CCDC170: variants seen among roughly 807,000 people sequenced by gnomAD.
CCDC170 encodes the protein coiled-coil domain-containing protein 170.
A neutral mutation model predicts 72.6 loss-of-function variants in CCDC170; 69 were observed. The ratio of observed to expected loss-of-function variants is 0.95; its 90% CI spans 0.78 to 1.16. The LOEUF (loss-of-function observed/expected upper bound fraction) is 1.16. Among genes scored for constraint, CCDC170 ranks in the 50% most tolerant of loss-of-function variants. The pLI is 0.00. For missense variants in CCDC170, 852 were observed against 832.5 expected, an observed-to-expected ratio of 1.02 and a Z score of -0.29; for synonymous variants, 300 against 303.9, an observed-to-expected ratio of 0.99 and a Z score of 0.13.
chr6:151,612,290 C>A (rs79994731), intron 9 of CCDC170, among the ~76,000 whole-genome samples: 1 of 152,104 alleles, frequency 6.6e-6, no homozygotes, highest in African/African-American at 2.4e-5. Flanking sequence ...TATGCCCAAC[C>A]GTAGGGAGAG....
chr6:151,514,875 A>T (rs1359146541), intron 1 of CCDC170, among the ~76,000 whole-genome samples: 1 of 152,146 alleles, frequency 6.6e-6, no homozygotes. Flanking sequence ...ATTCATTTCC[A>T]TCCTAATATT....
chr6:151,561,441 G>A (rs1224858371), intron 5 of CCDC170, among the ~76,000 whole-genome samples: 3 of 151,972 alleles, frequency 2.0e-5, no homozygotes, highest in Non-Finnish European at 4.4e-5. Flanking sequence ...CTGTTTGCTT[G>A]TCTGGGAAAG....
chr6:151,601,589 C>T (rs193024898), intron 9 of CCDC170, among the ~76,000 whole-genome samples: 74 of 152,046 alleles, frequency 4.9e-4, no homozygotes, highest in African/African-American at 1.6e-3. Flanking sequence ...ATATCTACAT[C>T]GGTCTATCAA....
At chr6:151,569,881 G>T (rs1366301869) in intron 5 of CCDC170, among the ~76,000 whole-genome samples, 1 of 152,130 alleles carries the variant, frequency 6.6e-6, no homozygotes, top group Non-Finnish European at 1.5e-5. Flanking sequence ...ACAGCTTAGG[G>T]TTCACTGAGC....
At chr6:151,543,674 C>T (rs757939933) in intron 3 of CCDC170, among the ~76,000 whole-genome samples, 53 of 152,252 alleles carry the variant, frequency 3.5e-4, no homozygotes, top group Admixed American at 7.2e-4. Flanking sequence ...TCTGCTTCTA[C>T]GAGTTCAATT....
chr6:151,598,109 A>G (rs1562295610), intron 9 of CCDC170, among the ~76,000 whole-genome samples: 1 of 152,172 alleles, frequency 6.6e-6, no homozygotes, highest in Non-Finnish European at 1.5e-5. Context: ...CCCCCAGAGA[A>G]GGACACATCT....
chr6:151,597,675 A>G (rs1473391129), intron 9 of CCDC170, among the ~76,000 whole-genome samples: 2 of 152,228 alleles, frequency 1.3e-5, no homozygotes. Flanking sequence ...CCTATATTCA[A>G]GGTGTTCAAC....
intron 5 of CCDC170, among the ~76,000 whole-genome samples, chr6:151,558,566 T>A (rs927050822): frequency 6.6e-6 from 1 of 152,244 alleles, no homozygotes; most frequent in Non-Finnish European, 1.5e-5. Flanking sequence ...TTGATTTTTG[T>A]GTATGATGAG....
At position 151,552,212 on chromosome 6, in the gene CCDC170, A is replaced by G. The variant is rs546906958; in HGVS notation, c.774+3723A>G. ...AAGGCTTTTGGCAAGAATATTATGT[A>G]TTATATTTCACATTGCATTCTATTA... On this transcript the variant is annotated intron_variant, in intron 5 of 10. Transcript: ENST00000239374. Among the ~76,000 whole-genome samples the G allele has an allele frequency of 8.5e-5, 13 of 152,190 alleles. No homozygotes were observed. The South Asian group carries it at 2.5e-3, about 29-fold the overall frequency.
At chr6:151,532,416 G>A (rs1243705149) in intron 1 of CCDC170, among the ~76,000 whole-genome samples, 1 of 152,070 alleles carries the variant, frequency 6.6e-6, no homozygotes, top group Non-Finnish European at 1.5e-5. Flanking sequence ...AGACCAGCCT[G>A]GCTAACATGG....
rs1447589474 is a variant in CCDC170 at position 151,592,513 on chromosome 6, C to G, written c.1294-594C>G. ...GAGTAAGGGATGTCTTACATGGTGG[C>G]AGGCAAAGAGAGAGAACGAGAGCCA... is the stretch of plus-strand genomic sequence containing the variant. On this transcript the variant is annotated intron_variant, in intron 7 of 10. Coordinates refer to ENST00000239374, the MANE Select transcript of CCDC170 (RefSeq NM_025059.4). Among the ~76,000 whole-genome samples the G allele has an allele frequency of 3.3e-5, 5 of 152,166 alleles. No individual in the cohort carries two copies. The East Asian group carries it at 9.6e-4, about 29-fold the overall frequency.
chr6:151,618,255 T>C lies in CCDC170; in HGVS notation c.*108T>C. Reference sequence around the variant, plus strand: ...GATCAGTTTGTGAATATTTTATGCTTTGATGATATAGTGAGAATGCATCAC... The same window carrying C: ...GATCAGTTTGTGAATATTTTATGCTCTGATGATATAGTGAGAATGCATCAC... On this transcript the variant is annotated 3_prime_UTR_variant, in exon 11 of 11. Coordinates refer to ENST00000239374, the MANE Select transcript of CCDC170 (RefSeq NM_025059.4). 1.0e-6 allele frequency: 1 copy of C among 999,838 alleles called. No homozygotes were observed. Among genetic ancestry groups the C allele is most frequent in the Non-Finnish European group, 1.5e-6 (1 of 669,956 alleles). 61.9% of individuals were successfully genotyped at this position (999,838 alleles called of 1,614,324 possible).
chr6:151,510,104 G>A (rs1782127345), intron 1 of CCDC170, among the ~76,000 whole-genome samples: 2 of 152,102 alleles, frequency 1.3e-5, no homozygotes, highest in South Asian at 4.1e-4. Flanking sequence ...AACAGAAAGA[G>A]ACTCCGTCTC....
intron 7 of CCDC170, among the ~76,000 whole-genome samples, chr6:151,586,384 G>A (rs1776451266): frequency 6.6e-6 from 1 of 152,180 alleles, no homozygotes; most frequent in Non-Finnish European, 1.5e-5. Context: ...AGGGGAGACA[G>A]ATACTCAGAT....
chr6:151,595,148 G>A (rs1776602144), intron 8 of CCDC170, among the ~76,000 whole-genome samples: 1 of 152,116 alleles, frequency 6.6e-6, no homozygotes, highest in Non-Finnish European at 1.5e-5. Flanking sequence ...GAACTTTGAT[G>A]GTCTTCAGCT....
intron 1 of CCDC170, among the ~76,000 whole-genome samples, chr6:151,507,260 C>T (rs1346727665): frequency 6.6e-6 from 1 of 151,866 alleles, no homozygotes; most frequent in African/African-American, 2.4e-5. Flanking sequence ...CTCACGGTAG[C>T]CTAACATACT....
chr6:151,576,866 A>C (rs1274356578), intron 6 of CCDC170, among the ~76,000 whole-genome samples: 2 of 152,212 alleles, frequency 1.3e-5, no homozygotes, highest in African/African-American at 2.4e-5. Flanking sequence ...TCAGTGGCTG[A>C]GTAATTCTGA....
At position 151,596,381 on chromosome 6, in the gene CCDC170, G is replaced by A. The variant is rs1776623243; in HGVS notation, c.1514G>A (p.Ser505Asn). Residue 505 changes from serine (S) to asparagine (N), a missense_variant, in exon 9 of 11, where the codon AGC becomes AAC. Transcript: ENST00000239374. ...ERLESKELHMSLLRQKIAQLE... is the reference protein window; with the variant it reads ...ERLESKELHMNLLRQKIAQLE... The stretch of plus-strand genomic sequence containing the variant: ...CTGGAGAGCAAAGAATTACACATGA[G>A]CCTCCTCCGGCAGAAAATAGCCCAG... 6.2e-7 allele frequency: 1 copy of A among 1,614,126 alleles called. No homozygotes were observed. Among genetic ancestry groups the A allele is most frequent in the African/African-American group, 1.3e-5 (1 of 75,046 alleles).
chr6:151,519,317 A>G (rs1331681161), intron 1 of CCDC170, among the ~76,000 whole-genome samples: 1 of 152,140 alleles, frequency 6.6e-6, no homozygotes, highest in African/African-American at 2.4e-5. Flanking sequence ...ATGTCCATTT[A>G]TAGGCTCTCT....
Sources: gnomAD v4.1 joint callset for allele counts (sites outside exome capture counted in the v4.1 genomes callset) on GRCh38, gnomAD v4.1.1 for gene constraint, MANE v1.5 for transcripts, NCBI Gene and HGNC (gene_info 2026-07-23, HGNC 2026-07-21) for gene names.